SCAF1: variants seen among roughly 807,000 people sequenced by gnomAD.
SCAF1 encodes the protein splicing factor, arginine/serine-rich 19.
SCAF1 carries 28 observed loss-of-function variants against 91.2 expected under a neutral mutation model. The ratio of observed to expected loss-of-function variants is 0.31; its 90% CI spans 0.23 to 0.42. The LOEUF is 0.42. SCAF1 is among the 10% of genes least tolerant of loss of function. The pLI, the probability that SCAF1 is intolerant of heterozygous loss-of-function variation, is 1.00. For missense variants in SCAF1, 1,893 were observed against 1,872.1 expected (o/e 1.01, Z -0.21); for synonymous variants, 1,036 against 833.7 (o/e 1.24, Z -4.18).
At chr19:49,647,243 T>G (rs1247832598) in intron 6 of SCAF1, among the ~76,000 whole-genome samples, 1 of 152,224 alleles carries the variant, frequency 6.6e-6, no homozygotes, top group Non-Finnish European at 1.5e-5. Flanking sequence ...AAGCCCAAGT[T>G]TTTGATGTCT....
chr19:49,641,122 T>A (rs2122435053), upstream of SCAF1, among the ~76,000 whole-genome samples: 1 of 152,096 alleles, frequency 6.6e-6, no homozygotes, highest in East Asian at 1.9e-4. Context: ...CGAATTCGTA[T>A]GTGAGAGCTT....
chr19:49,655,794 C>T (rs1370259208), intron 9 of SCAF1, among the ~76,000 whole-genome samples: 1 of 152,228 alleles, frequency 6.6e-6, no homozygotes, highest in East Asian at 1.9e-4. Context: ...CGTCAGCATC[C>T]TGTGTAGCTA....
At position 49,651,985 on chromosome 19, in the gene SCAF1, C is replaced by A; in HGVS notation, c.1596C>A (p.Ala532=). 1.7e-6 allele frequency: 2 copies of A among 1,196,758 alleles called. No homozygotes were observed. The highest frequency in any genetic ancestry group is 3.6e-5 in the South Asian group (2 of 56,310). 74.1% of individuals were successfully genotyped at this position (1,196,758 alleles called of 1,614,324 possible). Residue 532 remains alanine, a synonymous_variant, in exon 7 of 11, where the codon GCC becomes GCA. Transcript: ENST00000360565. ...AGCGCAGCGGCGAGGCCAAGGAGGCCGCCTCGTCCTCGTCGGGCACCCAGC... is the reference window on the plus strand; with the variant it reads ...AGCGCAGCGGCGAGGCCAAGGAGGCAGCCTCGTCCTCGTCGGGCACCCAGC... The part of the protein sequence containing the change: ...ERKRSGEAKE[A]ASSSSGTQPA...
At position 49,652,145 on chromosome 19, in the gene SCAF1, C is replaced by T. The variant is rs1459204436; in HGVS notation, c.1756C>T (p.Arg586Cys). The T allele has an allele frequency of 6.4e-6, 7 of 1,089,128 alleles. No individual in the cohort carries two copies. In the Admixed American group the frequency reaches 2.2e-4, roughly 35 times the overall value. 67.5% of individuals were successfully genotyped at this position (1,089,128 alleles called of 1,614,324 possible). ...SRSRSRSTRRRSRSTDRRRGG... is the reference protein window; with the variant it reads ...SRSRSRSTRRCSRSTDRRRGG... Reference sequence around the variant, plus strand: ...CTCCCGCTCCCGCTCCACCCGCCGCCGCTCGCGCAGCACCGACCGCCGCCG... The same window carrying T: ...CTCCCGCTCCCGCTCCACCCGCCGCTGCTCGCGCAGCACCGACCGCCGCCG... Residue 586 changes from arginine (R) to cysteine (C), a missense_variant, in exon 7 of 11, where the codon CGC becomes TGC. Physicochemically the swap from Arg to Cys is radical, Grantham distance 180. Around this residue, in one of 5 missense-constraint regions of SCAF1, gnomAD observed 1,436 missense variants for 1,306.8 expected, o/e 1.10. Coordinates refer to ENST00000360565, the MANE Select transcript of SCAF1 (RefSeq NM_021228.3).
chr19:49,658,606 CT>C lies in SCAF1; in HGVS notation c.*208del. The C allele has an allele frequency of 1.7e-6, 1 of 595,138 alleles. No homozygotes were observed. The highest frequency in any genetic ancestry group is 3.0e-6 in the Non-Finnish European group (1 of 336,170). 36.9% of individuals were successfully genotyped at this position (595,138 alleles called of 1,614,324 possible). ...GTGCCCCTCCCTTCTGTTTGTGCCC[CT>C]CTCCCCAATTTCATTAAAGATTTCA... On this transcript the variant is annotated 3_prime_UTR_variant, in exon 11 of 11. Transcript: ENST00000360565.
intron 10 of SCAF1, 58 bp from the exon 11 acceptor site, chr19:49,658,150 C>A: frequency 6.4e-7 from 1 of 1,559,030 alleles, no homozygotes. Flanking sequence ...CCCAACAGTC[C>A]TGGGTGGATG....
chr19:49,652,744 T>G lies in SCAF1; in HGVS notation c.2355T>G (p.Asp785Glu), dbSNP rs773590720. ...GGDRDRDRDR[D>E]RDRDRSSKKA... ...ACCGGGATCGGGACAGGGACAGAGATAGGGACAGGGACAGGTCATCCAAGA... is the reference window on the plus strand; with the variant it reads ...ACCGGGATCGGGACAGGGACAGAGAGAGGGACAGGGACAGGTCATCCAAGA... Residue 785 changes from aspartate to glutamate, a missense_variant, in exon 7 of 11, where the codon GAT (aspartate) becomes GAG (glutamate). This residue lies in a region of SCAF1 where 1,436 missense variants were observed against 1,306.8 expected (regional missense o/e 1.10). Coordinates refer to ENST00000360565, the MANE Select transcript of SCAF1 (RefSeq NM_021228.3). 3 of 1,608,490 alleles carry G rather than the reference T, an allele frequency of 1.9e-6. No homozygotes were observed. The highest frequency in any genetic ancestry group is 2.5e-6 in the Non-Finnish European group (3 of 1,177,804).
Position 49,646,171 on chromosome 19 carries a change from C to T in SCAF1, c.230C>T (p.Ser77Phe). 6.2e-7 allele frequency: 1 copy of T among 1,610,758 alleles called. No homozygotes were observed. Among genetic ancestry groups the T allele is most frequent in the Non-Finnish European group, 8.5e-7 (1 of 1,179,860 alleles). Residue 77 changes from serine to phenylalanine, a missense_variant, in exon 4 of 11, where the codon TCC becomes TTC. Ser to Phe is a radical substitution (Grantham distance 155). Coordinates refer to ENST00000360565, the MANE Select transcript of SCAF1 (RefSeq NM_021228.3). The surrounding 1 kb of genome is among the most constrained non-coding windows in gnomAD (Gnocchi z 5.6). ...CGGAGTCCACGGTCAGAGCCCCGTT[C>T]CCAGGAATCAGGGGGCACTGACACG... is the stretch of plus-strand genomic sequence containing the variant. ...RCRSPRSEPR[S>F]QESGGTDTAT...
In SCAF1 at chr19:49,651,465, C is replaced by A; in HGVS notation, c.1076C>A (p.Ala359Glu). ...CGGGTCTTCGTGGTGGGGACCGAGG[C>A]AGAGGCTTGTCGGGAAGGCAAGGTC... ...RRRVFVVGTE[A>E]EACREGKVSV... Residue 359 changes from alanine to glutamate, a missense_variant, in exon 7 of 11, where the codon GCA becomes GAA. Ala to Glu is a moderately radical substitution (Grantham distance 107). Around this residue, in one of 5 missense-constraint regions of SCAF1, gnomAD observed 1,436 missense variants for 1,306.8 expected, o/e 1.10. Transcript: ENST00000360565. 2 of 1,587,570 alleles carry A rather than the reference C, an allele frequency of 1.3e-6. No homozygotes were observed. The highest frequency in any genetic ancestry group is 1.7e-6 in the Non-Finnish European group (2 of 1,167,916).
At chr19:49,647,739 C>A (rs750113905) in intron 6 of SCAF1, among the ~76,000 whole-genome samples, 13 of 152,220 alleles carry the variant, frequency 8.5e-5, no homozygotes, top group Non-Finnish European at 1.5e-4. Context: ...ACAAGCGATT[C>A]TCCTGCCTCA....
At chr19:49,654,309 C>G in intron 7 of SCAF1, 40 bp from the exon 8 acceptor site, 5 of 1,574,460 alleles carry the variant, frequency 3.2e-6, no homozygotes, top group Non-Finnish European at 4.4e-6. Flanking sequence ...GTCCTGTCAC[C>G]TCTCCCATCT....
Position 49,646,703 on chromosome 19 carries a change from TC to T in SCAF1, c.363-10del. ...GCACCCCTGAGGCTCACCCACCCCT[TC>T]CGCCTTGCAGAAGTGAGGACATGCT... On this transcript the variant is annotated splice_polypyrimidine_tract_variant and intron_variant, in intron 5 of 10. Coordinates refer to ENST00000360565, the MANE Select transcript of SCAF1 (RefSeq NM_021228.3). This position sits in a 1 kb window ranked among gnomAD's most constrained non-coding sequence, Gnocchi z 5.6. 6.2e-7 allele frequency: 1 copy of T among 1,613,686 alleles called. No individual in the cohort carries two copies.
Position 49,653,468 on chromosome 19 carries a change from G to A in SCAF1, c.3079G>A (p.Glu1027Lys). 1 of 1,550,918 alleles carries A rather than the reference G, an allele frequency of 6.4e-7. No individual in the cohort carries two copies. The highest frequency in any genetic ancestry group is 8.7e-7 in the Non-Finnish European group (1 of 1,149,992). Residue 1027 changes from glutamate to lysine, a missense_variant, in exon 7 of 11, where the codon GAA (glutamate) becomes AAA (lysine). This residue lies in a region of SCAF1 where 1,436 missense variants were observed against 1,306.8 expected (regional missense o/e 1.10). Transcript: ENST00000360565. ...AGGTGGGGCGGAGGAGGAGGAGGAGGAAGAAGAAGAGGAGGAGGAAGAGGA... is the reference window on the plus strand; with the variant it reads ...AGGTGGGGCGGAGGAGGAGGAGGAGAAAGAAGAAGAGGAGGAGGAAGAGGA... The part of the protein sequence containing the change: ...VRGGAEEEEE[E>K]EEEEEEEEEE...
intron 9 of SCAF1, among the ~76,000 whole-genome samples, chr19:49,655,182 C>G (rs2081131810): frequency 6.6e-6 from 1 of 152,174 alleles, no homozygotes; most frequent in Non-Finnish European, 1.5e-5. Context: ...CTCGCGCTGT[C>G]TCCGTCTCTG....
At position 49,647,671 on chromosome 19, in the gene SCAF1, G is replaced by A. The variant is rs556976949; in HGVS notation, c.478+841G>A. Among the ~76,000 whole-genome samples, 23 of 152,196 alleles carry A rather than the reference G, an allele frequency of 1.5e-4. No individual in the cohort carries two copies. The South Asian group carries it at 2.9e-3, about 19-fold the overall frequency. ...CTTGTTTACCTTGTTTCGCTGTGTCGCCCAGGCTGGAGTGCAGTGGCATAA... is the reference window on the plus strand; with the variant it reads ...CTTGTTTACCTTGTTTCGCTGTGTCACCCAGGCTGGAGTGCAGTGGCATAA... On this transcript the variant is annotated intron_variant, in intron 6 of 10. Transcript: ENST00000360565.
upstream of SCAF1, among the ~76,000 whole-genome samples, chr19:49,641,068 C>A (rs1485905684): frequency 6.6e-6 from 1 of 152,044 alleles, no homozygotes; most frequent in Admixed American, 6.6e-5. Flanking sequence ...AGGCTGGGGA[C>A]CCAGGATTCT....
Position 49,653,504 on chromosome 19 carries a change from G to C in SCAF1, c.3115G>C (p.Glu1039Gln). The change falls in exon 7 of 11, where the codon GAG becomes CAG. Residue 1039 changes from glutamate (E) to glutamine (Q), a missense_variant. Physicochemically the swap from Glu to Gln is conservative, Grantham distance 29. Around this residue, in one of 5 missense-constraint regions of SCAF1, gnomAD observed 1,436 missense variants for 1,306.8 expected, o/e 1.10. Coordinates refer to ENST00000360565, the MANE Select transcript of SCAF1 (RefSeq NM_021228.3). ...EEEEEEEEEE[E>Q]QQPATTTATS... ...GGAGGAGGAAGAGGAAGAGGAGGAG[G>C]AGCAGCAGCCTGCTACCACCACGGC... The C allele has an allele frequency of 1.3e-6, 2 of 1,565,614 alleles. No homozygotes were observed. Among genetic ancestry groups the C allele is most frequent in the East Asian group, 4.5e-5 (2 of 44,020 alleles).
chr19:49,645,500 C>A lies in SCAF1; in HGVS notation c.166+89C>A. On this transcript the variant is annotated intron_variant, in intron 3 of 10. Coordinates refer to ENST00000360565, the MANE Select transcript of SCAF1 (RefSeq NM_021228.3). This position sits in a 1 kb window ranked among gnomAD's most constrained non-coding sequence, Gnocchi z 4.6. ...TTCATACAAGCTTTTCTGAAGCCTCCTGGGTGCCACCCTTGTGCTGGCATG... is the reference window on the plus strand; with the variant it reads ...TTCATACAAGCTTTTCTGAAGCCTCATGGGTGCCACCCTTGTGCTGGCATG... 1 of 1,402,906 alleles carries A rather than the reference C, an allele frequency of 7.1e-7. No individual in the cohort carries two copies. Among genetic ancestry groups the A allele is most frequent in the Non-Finnish European group, 9.8e-7 (1 of 1,015,796 alleles). 86.9% of individuals were successfully genotyped at this position (1,402,906 alleles called of 1,614,324 possible).
Position 49,645,784 on chromosome 19 carries a change from C to CGCTG in SCAF1, c.167-322_167-319dup, listed in dbSNP as rs551986438. On this transcript the variant is annotated intron_variant, in intron 3 of 10. Transcript: ENST00000360565. This position sits in a 1 kb window ranked among gnomAD's most constrained non-coding sequence, Gnocchi z 4.6. The stretch of plus-strand genomic sequence containing the variant: ...GCACGGGTGCAGCGGCGAGGGGCTG[C>CGCTG]GCTGGGCTTCCTTGGGGCTGGCATG... Among the ~76,000 whole-genome samples the CGCTG allele has an allele frequency of 2.5e-4, 38 of 152,190 alleles. No homozygotes were observed. In the South Asian group the frequency reaches 7.9e-3, roughly 32 times the overall value.
Sources: gnomAD v4.1 joint callset for allele counts (sites outside exome capture counted in the v4.1 genomes callset) on GRCh38, gnomAD v4.1.1 for gene constraint, gnomAD v4.1.1 regional missense constraint, Gnocchi (gnomAD v3.1) non-coding constraint, MANE v1.5 for transcripts, NCBI Gene and HGNC (gene_info 2026-07-23, HGNC 2026-07-21) for gene names.